The following NSUN2 variants were observed in gnomAD, a reference collection of about 807,000 sequenced individuals.
NSUN2 encodes NOP2/Sun RNA methyltransferase 2, also known as RNA cytosine C(5)-methyltransferase NSUN2.
A neutral mutation model predicts 92.7 loss-of-function variants in NSUN2; 63 were observed. The observed-to-expected ratio is 0.68, with a 90% CI of 0.56 to 0.84. NSUN2 has a LOEUF of 0.84. Ranked by LOEUF, NSUN2 falls within the 40% of genes least tolerant of loss-of-function variation. The pLI, the probability that NSUN2 is intolerant of heterozygous loss-of-function variation, is 0.00. For synonymous variants in NSUN2, 356 were observed against 348.3 expected (o/e 1.02, Z -0.25); for missense variants, 989 against 964.9 (o/e 1.02, Z -0.33).
In NSUN2 at chr5:6,620,034, A is replaced by G. The variant is rs73737144; in HGVS notation, c.815+72T>C. 3,722 of 1,294,640 alleles carry G rather than the reference A, an allele frequency of 2.9e-3. 100 individuals are homozygous for G. In the African/African-American group the frequency reaches 0.047, roughly 16 times the overall value. 80.2% of individuals were successfully genotyped at this position (1,294,640 alleles called of 1,614,324 possible). A position where few individuals can be genotyped will look rare whatever the true frequency, so the allele number is the denominator to read the frequency against. On this transcript the variant is annotated intron_variant, in intron 7 of 18. Coordinates refer to ENST00000264670, the MANE Select transcript of NSUN2 (RefSeq NM_017755.6). ...GTACAATTGTGTCATATTCATGCAC[A>G]ACTTCATTTTAGTCTCTATTTGACT...
At chr5:6,621,969 T>G (rs112636977) in intron 6 of NSUN2, 47 bp downstream of exon 6, 2 of 1,491,206 alleles carry the variant, frequency 1.3e-6, no homozygotes, top group South Asian at 1.1e-5. Context: ...GTCTACAATC[T>G]GCCAAAGTGG....
chr5:6,616,592 G>A (rs1357318529), intron 9 of NSUN2, 135 bp downstream of exon 9: 2 of 142,046 alleles, frequency 1.4e-5, no homozygotes, highest in Non-Finnish European at 2.3e-5. Context: ...GATTAACAAT[G>A]GGAATATACC....
chr5:6,623,329 A>AC (rs776263213), intron 4 of NSUN2, 44 bp from the exon 5 acceptor site: 41 of 1,539,138 alleles, frequency 2.7e-5, no homozygotes, highest in Non-Finnish European at 3.4e-5. Flanking sequence ...GAAAAAAAAA[A>AC]AAACCGCAGA....
At position 6,609,868 on chromosome 5, in the gene NSUN2, C is replaced by T. The variant is rs1736917184; in HGVS notation, c.1281G>A (p.Leu427=). 1 of 1,613,570 alleles carries T rather than the reference C, an allele frequency of 6.2e-7. No homozygotes were observed. The highest frequency in any genetic ancestry group is 2.2e-5 in the East Asian group (1 of 44,868). ...TCCACGGCATTGAAGATTTTTTCAC[C>T]AATACTGCCACAAAAAACCCTCCAG... The part of the protein sequence containing the change: ...QNTGGFFVAV[L]VKKSSMPWNK... The change falls in exon 12 of 19, where the codon TTG becomes TTA. Residue 427 remains leucine (L), a synonymous_variant. Transcript: ENST00000264670.
At position 6,600,198 on chromosome 5, in the gene NSUN2, A is replaced by C. The variant is rs747908747; in HGVS notation, c.2032T>G (p.Cys678Gly). 13 of 1,614,118 alleles carry C rather than the reference A, an allele frequency of 8.1e-6. No individual in the cohort carries two copies. The highest frequency in any genetic ancestry group is 2.2e-5 in the East Asian group (1 of 44,902). ...ATGGAGGCCTTTCCCCGCCATCCGC[A>C]TAAGACGATGGGACACTGCAGAGCG... is the stretch of plus-strand genomic sequence containing the variant. ...PDALQCPIVL[C>G]GWRGKASIRT... is the part of the protein sequence containing the mutation. Residue 678 changes from cysteine to glycine, a missense_variant, in exon 19 of 19, where the codon TGC becomes GGC. Coordinates refer to ENST00000264670, the MANE Select transcript of NSUN2 (RefSeq NM_017755.6).
chr5:6,627,496 C>T (rs575390078), intron 3 of NSUN2, among the ~76,000 whole-genome samples: 5 of 152,318 alleles, frequency 3.3e-5, no homozygotes, highest in African/African-American at 1.2e-4. Context: ...TATAGATAAG[C>T]AGTCTAGATA....
chr5:6,611,878 A>T (rs1737008300), intron 9 of NSUN2, 80 bp from the exon 10 acceptor site: 6 of 1,167,838 alleles, frequency 5.1e-6, no homozygotes, highest in Non-Finnish European at 7.6e-6. Context: ...AACCAGACAC[A>T]GATCACATAT....
chr5:6,624,578 T>C lies in NSUN2; in HGVS notation c.465+986A>G, dbSNP rs373407059. On this transcript the variant is annotated intron_variant, in intron 4 of 18. Coordinates refer to ENST00000264670, the MANE Select transcript of NSUN2 (RefSeq NM_017755.6). ...TTCTCTAGCAGCTTACTGATCTCTA[T>C]TTGGCCTTCCATCTAGATTGAAAGT... 3.0e-4 allele frequency among the ~76,000 whole-genome samples: 46 copies of C among 152,342 alleles called. 1 individual carries two copies. The highest frequency in any genetic ancestry group is 1.1e-3 in the African/African-American group (44 of 41,574).
At chr5:6,612,542 A>G (rs185781812) in intron 9 of NSUN2, among the ~76,000 whole-genome samples, 70 of 152,336 alleles carry the variant, frequency 4.6e-4, no homozygotes, top group Non-Finnish European at 9.3e-4. Flanking sequence ...GAGACCAGCT[A>G]CTAGCACAGA....
rs748211568 is a variant in NSUN2 at position 6,607,199 on chromosome 5, CCCACACACG to C, written c.1500_1508del (p.Val501_Gly503del). ...GATCAAGACATAACCACTTTTCTTA[CCCACACACG>C]CCATCTTTCTTACTGCCATTATTCT... On this transcript the variant is annotated inframe_deletion and splice_region_variant, in exon 13 of 19. Transcript: ENST00000264670. 2.7e-5 allele frequency: 44 copies of C among 1,613,764 alleles called. No individual in the cohort carries two copies. The highest frequency in any genetic ancestry group is 3.5e-5 in the Non-Finnish European group (41 of 1,179,798).
rs528802433 is a variant in NSUN2, at chr5:6,631,841, A to G, written c.359+32T>C. 3.1e-5 allele frequency: 44 copies of G among 1,411,986 alleles called. No homozygotes were observed. The South Asian group carries it at 5.3e-4, about 17-fold the overall frequency. 87.5% of individuals were successfully genotyped at this position (1,411,986 alleles called of 1,614,324 possible). ...AGTGATAGAGATTAATATCCCAAAT[A>G]AATATTCGGCATGAAGCACTGTGGT... On this transcript the variant is annotated intron_variant, in intron 3 of 18. Transcript: ENST00000264670.
chr5:6,620,888 T>C (rs1737408747), intron 6 of NSUN2: 4 of 152,126 alleles, frequency 2.6e-5, no homozygotes, highest in African/African-American at 2.4e-5. Context: ...ATGCAAAACA[T>C]CCACAATACA....
At chr5:6,632,368 G>A (rs1737953768) in intron 2 of NSUN2, among the ~76,000 whole-genome samples, 1 of 152,110 alleles carries the variant, frequency 6.6e-6, no homozygotes. Flanking sequence ...TTCCCCAGGA[G>A]CCGAATCTTC....
rs750938847 is a variant in NSUN2 at position 6,600,236 on chromosome 5, C to T, written c.1998-4G>A. Reference sequence around the variant, plus strand: ...ACACTGCAGAGCGTCTGGATTCCTACAAGTGAAAGTGGCTTCATGTAGAAC... The same window carrying T: ...ACACTGCAGAGCGTCTGGATTCCTATAAGTGAAAGTGGCTTCATGTAGAAC... On this transcript the variant is annotated splice_region_variant and splice_polypyrimidine_tract_variant and intron_variant, in intron 18 of 18. Transcript: ENST00000264670. The T allele has an allele frequency of 5.6e-6, 9 of 1,610,080 alleles. No individual in the cohort carries two copies. Among genetic ancestry groups the T allele is most frequent in the South Asian group, 3.3e-5 (3 of 90,892 alleles).
intron 3 of NSUN2, among the ~76,000 whole-genome samples, chr5:6,628,993 C>T (rs1427969627): frequency 2.0e-5 from 3 of 151,560 alleles, no homozygotes; most frequent in South Asian, 2.1e-4. Context: ...TGCAGTGAAC[C>T]GTCATGACAT....
chr5:6,604,749 G>T (rs1736693352), intron 15 of NSUN2, 64 bp from the exon 16 acceptor site: 9 of 1,362,184 alleles, frequency 6.6e-6, no homozygotes, highest in Non-Finnish European at 8.4e-6. Context: ...CTGTAAGGAT[G>T]CCGGGCCACA....
chr5:6,614,337 C>T (rs1737125914), intron 9 of NSUN2, among the ~76,000 whole-genome samples: 1 of 152,082 alleles, frequency 6.6e-6, no homozygotes, highest in African/African-American at 2.4e-5. Flanking sequence ...CCATCAGTAC[C>T]CCAGGACAAT....
In NSUN2 at chr5:6,622,052, C is replaced by T; in HGVS notation, c.586G>A (p.Glu196Lys). Reference protein sequence around the residue: ...APGSKTTQLIEMLHADMNVPF... With the variant: ...APGSKTTQLIKMLHADMNVPF... ...ACATTCATGTCGGCATGTAGCATTT[C>T]AATTAACTGTGTGGTCTTTGAGCCA... Residue 196 changes from glutamate (E) to lysine (K), a missense_variant, in exon 6 of 19, where the codon GAA (glutamate) becomes AAA (lysine). By Grantham distance (56) the Glu-to-Lys change is moderately conservative. Around this residue, in one of 3 missense-constraint regions of NSUN2, gnomAD observed 356 missense variants for 338.6 expected, o/e 1.05. Transcript: ENST00000264670. The T allele has an allele frequency of 6.2e-7, 1 of 1,614,170 alleles. No homozygotes were observed. The highest frequency in any genetic ancestry group is 8.5e-7 in the Non-Finnish European group (1 of 1,179,988).
In NSUN2 at chr5:6,618,839, G is replaced by A. The variant is rs117541491; in HGVS notation, c.816-815C>T. 1.5e-3 allele frequency among the ~76,000 whole-genome samples: 222 copies of A among 152,204 alleles called. 5 individuals carry two copies. In the East Asian group the frequency reaches 0.041, roughly 28 times the overall value. ...CTGCCCTGTTTTCCCAGAAGGTAAC[G>A]CCTGTTTTTGTTGGCTTTCTCTGTA... On this transcript the variant is annotated intron_variant, in intron 7 of 18. Transcript: ENST00000264670.
Sources: gnomAD v4.1 joint callset for allele counts (sites outside exome capture counted in the v4.1 genomes callset) on GRCh38, gnomAD v4.1.1 for gene constraint, gnomAD v4.1.1 regional missense constraint, MANE v1.5 for transcripts, NCBI Gene and HGNC (gene_info 2026-07-23, HGNC 2026-07-21) for gene names.